Variants in FARP2 observed in about 807,000 individuals in gnomAD.
FARP2 encodes FERM, ARHGEF and pleckstrin domain-containing protein 2.
A neutral mutation model predicts 130.5 loss-of-function variants in FARP2; 111 were observed. That is an observed-to-expected ratio of 0.85 (90% confidence interval 0.73 to 1.00). The LOEUF is 1.00. Ranked by LOEUF, FARP2 falls within the 50% of genes least tolerant of loss-of-function variation. The pLI, the probability that FARP2 is intolerant of heterozygous loss-of-function variation, is 0.00. For synonymous variants in FARP2, 504 were observed against 516.9 expected, an observed-to-expected ratio of 0.98 and a Z score of 0.34; for missense variants, 1,385 against 1,346.3, an observed-to-expected ratio of 1.03 and a Z score of -0.45.
intron 1 of FARP2, among the ~76,000 whole-genome samples, chr2:241,363,329 G>A (rs1318961949): frequency 6.6e-6 from 1 of 152,214 alleles, no homozygotes; most frequent in Non-Finnish European, 1.5e-5. Context: ...TAGGGAATGG[G>A]GAAAACCCCA....
chr2:241,491,589 G>A lies in FARP2; in HGVS notation c.2697G>A (p.Gly899=). ...DARGVRSSLE[G]HGQHRANTTM... is the part of the protein sequence containing the mutation. Reference sequence around the variant, plus strand: ...GGGGTGTCCGCAGCTCCCTGGAGGGGCATGGCCAGCACCGGGCCAACACCA... The same window carrying A: ...GGGGTGTCCGCAGCTCCCTGGAGGGACATGGCCAGCACCGGGCCAACACCA... Residue 899 remains glycine, a synonymous_variant, in exon 24 of 27, where the codon GGG becomes GGA. Transcript: ENST00000264042. 2.5e-6 allele frequency: 4 copies of A among 1,613,774 alleles called. No homozygotes were observed. In the African/African-American group the frequency reaches 4.0e-5, roughly 16 times the overall value.
At chr2:241,458,439 G>T (rs541424243) in intron 14 of FARP2, among the ~76,000 whole-genome samples, 14 of 152,294 alleles carry the variant, frequency 9.2e-5, no homozygotes, top group African/African-American at 3.4e-4. Context: ...CAGCAGGTAG[G>T]ATGGCACAGG....
At chr2:241,474,611 T>A (rs1392489584) in intron 18 of FARP2, among the ~76,000 whole-genome samples, 1 of 151,408 alleles carries the variant, frequency 6.6e-6, no homozygotes, top group Non-Finnish European at 1.5e-5. Flanking sequence ...GCCAACATGG[T>A]GAAACCCTGT....
At chr2:241,492,409 G>A (rs570685240) in intron 24 of FARP2, among the ~76,000 whole-genome samples, 36 of 152,296 alleles carry the variant, frequency 2.4e-4, no homozygotes, top group Admixed American at 2.1e-3. Context: ...CCATCTTAGA[G>A]TGCAACCCCT....
chr2:241,447,455 C>T (rs7556786), intron 13 of FARP2, among the ~76,000 whole-genome samples: 28,808 of 152,014 alleles, frequency 0.19, 3,074 homozygotes, highest in Middle Eastern at 0.35. Flanking sequence ...AGCTGGGTGT[C>T]GGGGAGGACG....
intron 1 of FARP2, among the ~76,000 whole-genome samples, chr2:241,369,119 G>A (rs567581055): frequency 6.6e-6 from 1 of 152,144 alleles, no homozygotes; most frequent in African/African-American, 2.4e-5. Context: ...GATGTAAGTC[G>A]CTGCTTGGAA....
chr2:241,378,836 A>G (rs1473736106), intron 2 of FARP2, among the ~76,000 whole-genome samples: 1 of 152,176 alleles, frequency 6.6e-6, no homozygotes, highest in Non-Finnish European at 1.5e-5. Flanking sequence ...GCATTTATTA[A>G]TGGGATATTT....
At chr2:241,421,971 C>A (rs896506149) in intron 8 of FARP2, among the ~76,000 whole-genome samples, 1 of 151,962 alleles carries the variant, frequency 6.6e-6, no homozygotes, top group Admixed American at 6.6e-5. Flanking sequence ...TGTTGAAACA[C>A]CATCTCTACT....
intron 2 of FARP2, among the ~76,000 whole-genome samples, chr2:241,385,066 T>C (rs2061753061): frequency 6.6e-6 from 1 of 152,192 alleles, no homozygotes; most frequent in African/African-American, 2.4e-5. Flanking sequence ...TAGCTTAACA[T>C]AAGCAAAAAC....
At chr2:241,391,769 C>A (rs1294664996) in intron 2 of FARP2, among the ~76,000 whole-genome samples, 1 of 152,086 alleles carries the variant, frequency 6.6e-6, no homozygotes, top group African/African-American at 2.4e-5. Context: ...CTTTTTTTCT[C>A]CCCACTCTTG....
intron 13 of FARP2, chr2:241,456,531 C>T: frequency 3.6e-6 from 2 of 549,122 alleles, no homozygotes; most frequent in South Asian, 4.5e-5. Context: ...GTGGATTGCT[C>T]TCTGAAATTG....
chr2:241,493,091 A>T (rs1260431381), intron 25 of FARP2, 55 bp downstream of exon 25: 18 of 1,145,882 alleles, frequency 1.6e-5, no homozygotes, highest in Non-Finnish European at 2.3e-5. Flanking sequence ...CAGACACTTA[A>T]CCCTGCTCAC....
intron 17 of FARP2, among the ~76,000 whole-genome samples, chr2:241,466,990 C>T (rs964336319): frequency 3.9e-5 from 6 of 151,928 alleles, no homozygotes; most frequent in Admixed American, 2.0e-4. Flanking sequence ...CGCAGTGGCT[C>T]ATGCCTGTAA....
chr2:241,364,736 C>T (rs1473411141), intron 1 of FARP2, among the ~76,000 whole-genome samples: 1 of 152,068 alleles, frequency 6.6e-6, no homozygotes, highest in East Asian at 1.9e-4. Flanking sequence ...ATTTACAGTT[C>T]TTTAAATCAG....
At chr2:241,440,673 T>G (rs1405392815) in intron 12 of FARP2, among the ~76,000 whole-genome samples, 1 of 152,046 alleles carries the variant, frequency 6.6e-6, no homozygotes, top group Non-Finnish European at 1.5e-5. Context: ...GACAGATGAG[T>G]GCGCATTACT....
chr2:241,400,315 A>G (rs758777660), intron 2 of FARP2, among the ~76,000 whole-genome samples: 7 of 152,260 alleles, frequency 4.6e-5, no homozygotes, highest in Non-Finnish European at 7.3e-5. Context: ...AATCAGGAGC[A>G]GTGGTGGACA....
chr2:241,368,442 C>G (rs1273702053), intron 1 of FARP2, among the ~76,000 whole-genome samples: 1 of 152,118 alleles, frequency 6.6e-6, no homozygotes, highest in African/African-American at 2.4e-5. Context: ...TGCCGTGTTC[C>G]TAGTCTAGCC....
At chr2:241,402,502 T>A (rs1574743881) in intron 2 of FARP2, among the ~76,000 whole-genome samples, 1 of 152,162 alleles carries the variant, frequency 6.6e-6, no homozygotes. Flanking sequence ...TTCAGATGTT[T>A]TTCACTTTTA....
At chr2:241,422,296 G>A (rs866215592) in intron 8 of FARP2, among the ~76,000 whole-genome samples, 6 of 150,718 alleles carry the variant, frequency 4.0e-5, no homozygotes, top group Non-Finnish European at 5.9e-5. Flanking sequence ...CACGCACAGC[G>A]GTAGGCTGAG....
Sources: allele counts gnomAD v4.1 joint callset (sites outside exome capture counted in the v4.1 genomes callset), GRCh38; gene constraint gnomAD v4.1.1; transcripts MANE v1.5; gene names NCBI Gene and HGNC (gene_info 2026-07-23, HGNC 2026-07-21).